Variants in SAXO1 observed in about 807,000 individuals in gnomAD.
The protein encoded by SAXO1 is stabilizer of axonemal microtubules 1.
A neutral mutation model predicts 17.5 loss-of-function variants in SAXO1; 21 were observed. The ratio of observed to expected loss-of-function variants is 1.20; its 90% CI spans 0.85 to 1.72. SAXO1 has a LOEUF of 1.72. Ranked by LOEUF, SAXO1 falls within the 40% of genes most tolerant of loss-of-function variation. The pLI is 0.00. For synonymous variants in SAXO1, 274 were observed against 216.5 expected, an observed-to-expected ratio of 1.27 and a Z score of -2.33; for missense variants, 843 against 596.0, an observed-to-expected ratio of 1.41 and a Z score of -4.32.
At chr9:18,984,105 A>C (rs1260857860) in intron 1 of SAXO1, among the ~76,000 whole-genome samples, 2 of 152,210 alleles carry the variant, frequency 1.3e-5, no homozygotes, top group African/African-American at 2.4e-5. Context: ...TAATATTTTA[A>C]AGTTATCTTT....
chr9:19,043,955 G>A (rs1289349519), intron 1 of SAXO1, among the ~76,000 whole-genome samples: 3 of 151,924 alleles, frequency 2.0e-5, no homozygotes, highest in African/African-American at 7.3e-5. Flanking sequence ...GACCAGTCTG[G>A]CCAACATGGT....
intron 1 of SAXO1, among the ~76,000 whole-genome samples, chr9:19,014,882 C>A (rs1834905700): frequency 6.6e-6 from 1 of 152,080 alleles, no homozygotes; most frequent in African/African-American, 2.4e-5. Context: ...GAAGTCAAGA[C>A]CAATAAACAA....
intron 1 of SAXO1, among the ~76,000 whole-genome samples, chr9:19,021,319 G>A (rs188633639): frequency 6.6e-6 from 1 of 152,320 alleles, no homozygotes; most frequent in African/African-American, 2.4e-5. Context: ...GAAGAAAACA[G>A]ATCAGACACC....
intron 1 of SAXO1, chr9:19,027,573 C>A (rs13298563): frequency 0.097 from 132,137 of 1,362,940 alleles, 7,187 homozygotes; most frequent in South Asian, 0.1. Flanking sequence ...ACTAAGGCCA[C>A]CTTCCTAAAG....
intron 1 of SAXO1, among the ~76,000 whole-genome samples, chr9:18,998,843 A>G (rs1464934190): frequency 6.6e-6 from 1 of 152,236 alleles, no homozygotes; most frequent in African/African-American, 2.4e-5. Flanking sequence ...GCAACTTCAT[A>G]TCCAGCCAAA....
At position 18,928,717 on chromosome 9, in the gene SAXO1, T is replaced by C. The variant is rs1458246870; in HGVS notation, c.760A>G (p.Ser254Gly). Residue 254 changes from serine (S) to glycine (G), a missense_variant, in exon 4 of 4, where the codon AGC becomes GGC. Physicochemically the swap from Ser to Gly is moderately conservative, Grantham distance 56. Transcript: ENST00000380534. ...GGAGGCCTGGCTAGAGGTTTCAAGCTCTTGGCAGGCTCCCCCATCAGGCCC... is the reference window on the plus strand; with the variant it reads ...GGAGGCCTGGCTAGAGGTTTCAAGCCCTTGGCAGGCTCCCCCATCAGGCCC... ...YRGLMGEPAK[S>G]LKPLARPPGL... The C allele has an allele frequency of 1.9e-6, 3 of 1,614,086 alleles. No homozygotes were observed. Among genetic ancestry groups the C allele is most frequent in the Admixed American group, 1.7e-5 (1 of 60,020 alleles).
intron 1 of SAXO1, chr9:19,027,007 T>C (rs1295041719): frequency 1.0e-5 from 9 of 869,840 alleles, no homozygotes; most frequent in South Asian, 2.6e-5. Context: ...ATCAAGATCA[T>C]GAAGAGTTAA....
chr9:19,026,671 A>G (rs1835484999), intron 1 of SAXO1, among the ~76,000 whole-genome samples: 1 of 152,208 alleles, frequency 6.6e-6, no homozygotes, highest in Non-Finnish European at 1.5e-5. Flanking sequence ...ACAGTAAGAT[A>G]ATAATATATG....
intron 1 of SAXO1, among the ~76,000 whole-genome samples, chr9:19,042,169 T>G (rs968162003): frequency 6.6e-6 from 1 of 152,080 alleles, no homozygotes; most frequent in Non-Finnish European, 1.5e-5. Flanking sequence ...AACATACAAA[T>G]GGCAAACAGG....
intron 1 of SAXO1, among the ~76,000 whole-genome samples, chr9:19,014,979 G>C (rs770613771): frequency 6.6e-6 from 1 of 152,084 alleles, no homozygotes; most frequent in Non-Finnish European, 1.5e-5. Flanking sequence ...GAGAGTAAAC[G>C]ATCCTTTCCT....
At chr9:19,015,643 C>T (rs997822477) in intron 1 of SAXO1, among the ~76,000 whole-genome samples, 4 of 142,266 alleles carry the variant, frequency 2.8e-5, no homozygotes, top group Non-Finnish European at 3.0e-5. Flanking sequence ...ACGCCTGGCC[C>T]TTTTTTTTTT....
At chr9:18,983,418 G>A (rs1023090741) in intron 1 of SAXO1, among the ~76,000 whole-genome samples, 10 of 152,256 alleles carry the variant, frequency 6.6e-5, no homozygotes, top group African/African-American at 2.4e-4. Context: ...CCCTCAACAT[G>A]TAGGCATTAT....
chr9:19,019,846 G>A (rs1404579449), intron 1 of SAXO1, among the ~76,000 whole-genome samples: 2 of 152,060 alleles, frequency 1.3e-5, no homozygotes, highest in Non-Finnish European at 2.9e-5. Context: ...CCACTCATGG[G>A]TCTTGGTTCC....
intron 1 of SAXO1, among the ~76,000 whole-genome samples, chr9:19,014,005 G>A (rs1197453343): frequency 1.3e-5 from 2 of 152,082 alleles, no homozygotes; most frequent in Non-Finnish European, 2.9e-5. Flanking sequence ...TAATAACAAC[G>A]TATGAATAAA....
intron 1 of SAXO1, chr9:19,027,053 G>A (rs140829299): frequency 2.4e-6 from 2 of 841,758 alleles, no homozygotes; most frequent in Non-Finnish European, 4.2e-6. Flanking sequence ...AAGCCATGAA[G>A]GACAAGATCA....
At chr9:18,961,853 C>G (rs1436988005) in intron 1 of SAXO1, among the ~76,000 whole-genome samples, 1 of 152,102 alleles carries the variant, frequency 6.6e-6, no homozygotes, top group Non-Finnish European at 1.5e-5. Context: ...GTTATATACC[C>G]AGTAATGGGA....
At chr9:19,034,724 G>A (rs1044034591), upstream of SAXO1, among the ~76,000 whole-genome samples, 3 of 152,124 alleles carry the variant, frequency 2.0e-5, no homozygotes, top group African/African-American at 7.2e-5. Context: ...TGGAAACATG[G>A]CCAGACAAAA....
chr9:19,042,941 G>A (rs963888397), intron 1 of SAXO1, among the ~76,000 whole-genome samples: 1 of 152,196 alleles, frequency 6.6e-6, no homozygotes, highest in African/African-American at 2.4e-5. Context: ...TGAGGCCAAG[G>A]CGGGAGGATC....
intron 1 of SAXO1, among the ~76,000 whole-genome samples, chr9:19,045,498 G>A (rs1429924738): frequency 6.6e-6 from 1 of 152,100 alleles, no homozygotes; most frequent in East Asian, 1.9e-4. Flanking sequence ...GAGACACAGA[G>A]GACTGAAGTA....
Sources: gnomAD v4.1 joint callset for allele counts (sites outside exome capture counted in the v4.1 genomes callset) on GRCh38, gnomAD v4.1.1 for gene constraint, MANE v1.5 for transcripts, NCBI Gene and HGNC (gene_info 2026-07-23, HGNC 2026-07-21) for gene names.